PTPRD: variants seen among roughly 807,000 people sequenced by gnomAD.
PTPRD encodes receptor-type tyrosine-protein phosphatase delta.
Under a neutral mutation model 214.5 loss-of-function variants are expected in PTPRD, and 34 were observed. The ratio of observed to expected loss-of-function variants is 0.16; its 90% confidence interval spans 0.12 to 0.21. PTPRD has a LOEUF of 0.21. Among genes scored for constraint, PTPRD ranks in the 10% least tolerant of loss-of-function variants. The pLI is 1.00. For missense variants in PTPRD, 2,545 were observed against 2,398.7 expected, an observed-to-expected ratio of 1.06 and a Z score of -1.27; for synonymous variants, 1,128 against 845.7, an observed-to-expected ratio of 1.33 and a Z score of -5.79.
At chr9:8,590,512 T>C (rs1196091230) in intron 14 of PTPRD, among the ~76,000 whole-genome samples, 2 of 152,146 alleles carry the variant, frequency 1.3e-5, no homozygotes, top group Non-Finnish European at 2.9e-5. Flanking sequence ...TTTCCTGTCC[T>C]TCTCTTCCTA....
intron 11 of PTPRD, among the ~76,000 whole-genome samples, chr9:8,849,498 T>A (rs1468175627): frequency 6.6e-6 from 1 of 152,188 alleles, no homozygotes; most frequent in Non-Finnish European, 1.5e-5. Context: ...AGTGCTGGGA[T>A]TACAGGCGTG....
intron 7 of PTPRD, among the ~76,000 whole-genome samples, chr9:9,634,928 T>C (rs889832546): frequency 1.1e-4 from 17 of 152,160 alleles, no homozygotes; most frequent in Non-Finnish European, 7.4e-5. Context: ...AGGTAAGTCA[T>C]ATGTGTAAAG....
intron 10 of PTPRD, among the ~76,000 whole-genome samples, chr9:9,083,955 G>C (rs1249547075): frequency 6.6e-6 from 1 of 152,130 alleles, no homozygotes; most frequent in Non-Finnish European, 1.5e-5. Context: ...ACTGTTGGTG[G>C]GAGTGTAAAT....
intron 14 of PTPRD, among the ~76,000 whole-genome samples, chr9:8,536,610 G>C (rs533540708): frequency 6.6e-6 from 1 of 152,062 alleles, no homozygotes; most frequent in South Asian, 2.1e-4. Context: ...TTTTCCTAGA[G>C]AGCTGAGATT....
At chr9:8,790,160 G>C (rs1259942133) in intron 11 of PTPRD, among the ~76,000 whole-genome samples, 1 of 151,848 alleles carries the variant, frequency 6.6e-6, no homozygotes, top group Non-Finnish European at 1.5e-5. Context: ...GGGACTACAG[G>C]CACGCATCAC....
chr9:9,966,562 T>C (rs1202338248), intron 4 of PTPRD, among the ~76,000 whole-genome samples: 7 of 152,132 alleles, frequency 4.6e-5, no homozygotes, highest in Non-Finnish European at 1.5e-5. Context: ...TTACAAATCA[T>C]TTTAAAAAGA....
chr9:9,809,506 C>T (rs979822636), intron 5 of PTPRD, among the ~76,000 whole-genome samples: 5 of 152,192 alleles, frequency 3.3e-5, no homozygotes, highest in East Asian at 3.9e-4. Context: ...CCTCGTTATC[C>T]GCCTGCCTCG....
intron 11 of PTPRD, among the ~76,000 whole-genome samples, chr9:8,892,709 G>C (rs1002785781): frequency 7.1e-6 from 1 of 140,696 alleles, no homozygotes. Flanking sequence ...ATATGTGTGC[G>C]TATATGTGTA....
Position 10,201,512 on chromosome 9 carries a change from T to A in PTPRD, c.-545+139451A>T, listed in dbSNP as rs190471394. Among the ~76,000 whole-genome samples, 416 of 152,202 alleles carry A rather than the reference T, an allele frequency of 2.7e-3. 1 individual carries two copies. The highest frequency in any genetic ancestry group is 3.6e-3 in the Non-Finnish European group (243 of 67,972). The stretch of plus-strand genomic sequence containing the variant: ...TAAAGTGTAATGTGCTATGTATGCA[T>A]AGGAGTATATTTAATTGTCATCTTT... On this transcript the variant is annotated intron_variant, in intron 3 of 45. Transcript: ENST00000381196.
intron 9 of PTPRD, among the ~76,000 whole-genome samples, chr9:9,215,417 C>T (rs984278602): frequency 3.3e-5 from 5 of 152,092 alleles, no homozygotes; most frequent in Admixed American, 6.6e-5. Flanking sequence ...GCCTACCACA[C>T]AGAATTGCTA....
intron 11 of PTPRD, among the ~76,000 whole-genome samples, chr9:8,845,502 A>G (rs762121811): frequency 2.0e-5 from 3 of 152,262 alleles, no homozygotes; most frequent in Non-Finnish European, 4.4e-5. Flanking sequence ...CAAGCCATCA[A>G]ATATGCCAGC....
chr9:10,135,689 T>C (rs1449672789), intron 3 of PTPRD, among the ~76,000 whole-genome samples: 1 of 152,034 alleles, frequency 6.6e-6, no homozygotes, highest in Non-Finnish European at 1.5e-5. Context: ...CACATAAATT[T>C]GTTACCACTA....
At chr9:9,947,785 T>C (rs564317188) in intron 4 of PTPRD, among the ~76,000 whole-genome samples, 416 of 146,638 alleles carry the variant, frequency 2.8e-3, no homozygotes, top group Non-Finnish European at 4.4e-3. Context: ...ATAACATGTA[T>C]GAACCTAAAA....
intron 3 of PTPRD, among the ~76,000 whole-genome samples, chr9:10,040,557 A>T (rs78196818): frequency 6.6e-6 from 1 of 152,008 alleles, no homozygotes; most frequent in Non-Finnish European, 1.5e-5. Flanking sequence ...CCAGCTATGT[A>T]GGGAGAATCA....
chr9:9,667,426 C>G (rs562739491), intron 7 of PTPRD, among the ~76,000 whole-genome samples: 104 of 152,112 alleles, frequency 6.8e-4, no homozygotes, highest in Non-Finnish European at 1.2e-3. Context: ...AAAACTGTCT[C>G]TCCATCAGTC....
chr9:10,055,735 C>T (rs1402909263), intron 3 of PTPRD, among the ~76,000 whole-genome samples: 1 of 151,586 alleles, frequency 6.6e-6, no homozygotes, highest in Non-Finnish European at 1.5e-5. Flanking sequence ...GAGGGCTGCA[C>T]CCAGAAGAAA....
chr9:9,226,381 T>A (rs2099959478), intron 9 of PTPRD, among the ~76,000 whole-genome samples: 1 of 151,974 alleles, frequency 6.6e-6, no homozygotes, highest in African/African-American at 2.4e-5. Flanking sequence ...AAAGCTATCT[T>A]AATCCCTATC....
At chr9:9,082,738 G>A (rs567733704) in intron 10 of PTPRD, among the ~76,000 whole-genome samples, 133 of 152,166 alleles carry the variant, frequency 8.7e-4, no homozygotes, top group African/African-American at 2.9e-3. Context: ...AAAATCACAA[G>A]CATTCCTACA....
At chr9:9,518,377 T>C (rs1436895630) in intron 8 of PTPRD, among the ~76,000 whole-genome samples, 4 of 152,092 alleles carry the variant, frequency 2.6e-5, no homozygotes, top group Non-Finnish European at 5.9e-5. Flanking sequence ...TATAGTAGCA[T>C]TGTCAAAATT....
Sources: gnomAD v4.1 joint callset for allele counts (sites outside exome capture counted in the v4.1 genomes callset) on GRCh38, gnomAD v4.1.1 for gene constraint, MANE v1.5 for transcripts, NCBI Gene and HGNC (gene_info 2026-07-23, HGNC 2026-07-21) for gene names.